Variants in FOXP1 observed in about 807,000 individuals in gnomAD.
FOXP1 encodes forkhead box protein P1.
Under a neutral mutation model 98.2 loss-of-function variants are expected in FOXP1, and 15 were observed. That is an observed-to-expected ratio of 0.15 (90% confidence interval 0.10 to 0.24). FOXP1 has a LOEUF of 0.24. FOXP1 is among the 10% of genes least tolerant of loss of function. The pLI, the probability that FOXP1 is intolerant of heterozygous loss-of-function variation, is 1.00. For missense variants in FOXP1, 633 were observed against 848.5 expected (o/e 0.75, Z 3.15); for synonymous variants, 371 against 314.5 (o/e 1.18, Z -1.90).
intron 7 of FOXP1, among the ~76,000 whole-genome samples, chr3:71,104,179 AG>A (rs2057233419): frequency 6.6e-6 from 1 of 152,186 alleles, no homozygotes; most frequent in African/African-American, 2.4e-5. Context: ...TGACTCGCCC[AG>A]GCCTGAAAGT....
At chr3:71,281,525 T>C (rs2071566169) in intron 5 of FOXP1, among the ~76,000 whole-genome samples, 1 of 152,238 alleles carries the variant, frequency 6.6e-6, no homozygotes, top group African/African-American at 2.4e-5. Context: ...GCCTAGGACA[T>C]GGTGAATACC....
At chr3:71,236,124 C>A (rs2066752282) in intron 5 of FOXP1, among the ~76,000 whole-genome samples, 1 of 152,180 alleles carries the variant, frequency 6.6e-6, no homozygotes, top group East Asian at 1.9e-4. Flanking sequence ...CTCATGGAAT[C>A]ATCATAGCAG....
At chr3:71,050,209 A>C (rs1297779649) in intron 9 of FOXP1, among the ~76,000 whole-genome samples, 3 of 152,168 alleles carry the variant, frequency 2.0e-5, no homozygotes, top group Non-Finnish European at 4.4e-5. Context: ...GACAACAGCA[A>C]TTTGGGAGAG....
chr3:70,960,293 C>G (rs2033039373), intron 20 of FOXP1, among the ~76,000 whole-genome samples: 1 of 152,276 alleles, frequency 6.6e-6, no homozygotes, highest in East Asian at 1.9e-4. Flanking sequence ...GAGCCCCAAT[C>G]AGAATAATAA....
intron 2 of FOXP1, chr3:71,572,871 C>T (rs984009050): frequency 2.0e-4 from 30 of 152,142 alleles, no homozygotes; most frequent in Non-Finnish European, 1.9e-4. Context: ...TATAAGCATA[C>T]AGTTTTAAAA....
intron 3 of FOXP1, among the ~76,000 whole-genome samples, chr3:71,461,754 C>T (rs1432982466): frequency 2.6e-5 from 4 of 151,528 alleles, no homozygotes; most frequent in Non-Finnish European, 1.5e-5. Flanking sequence ...GAGCCAAGAT[C>T]GCGCCACTGC....
intron 2 of FOXP1, 28 bp from the exon 3 acceptor site, chr3:71,493,583 T>A (rs2091210873): frequency 6.6e-6 from 1 of 152,170 alleles, no homozygotes; most frequent in African/African-American, 2.4e-5. Context: ...TTTTTACACA[T>A]AACTAAGATG....
At chr3:71,582,105 G>T (rs1226231434) in intron 1 of FOXP1, 14 of 931,122 alleles carry the variant, frequency 1.5e-5, no homozygotes, top group Non-Finnish European at 1.8e-5. Flanking sequence ...CGATTTCGAA[G>T]CAAACACATG....
At chr3:71,118,853 T>C (rs929198436) in intron 6 of FOXP1, among the ~76,000 whole-genome samples, 2 of 152,340 alleles carry the variant, frequency 1.3e-5, no homozygotes, top group African/African-American at 4.8e-5. Flanking sequence ...CTCATTCCCT[T>C]ATATATAATC....
chr3:71,508,540 T>C (rs1196639952), intron 2 of FOXP1, among the ~76,000 whole-genome samples: 1 of 152,152 alleles, frequency 6.6e-6, no homozygotes, highest in African/African-American at 2.4e-5. Flanking sequence ...TAGGCAGGTA[T>C]GTACAGGGCT....
At chr3:71,324,308 C>G (rs142977426) in intron 4 of FOXP1, among the ~76,000 whole-genome samples, 1 of 152,112 alleles carries the variant, frequency 6.6e-6, no homozygotes, top group Non-Finnish European at 1.5e-5. Flanking sequence ...TATAAAGACA[C>G]ATGCACACGT....
At chr3:71,533,986 C>G (rs1039476492) in intron 2 of FOXP1, among the ~76,000 whole-genome samples, 4 of 152,230 alleles carry the variant, frequency 2.6e-5, no homozygotes, top group Non-Finnish European at 5.9e-5. Context: ...CACAGTTGTC[C>G]GTCTGTATAT....
At chr3:71,150,356 G>A (rs899106099) in intron 6 of FOXP1, among the ~76,000 whole-genome samples, 4 of 152,086 alleles carry the variant, frequency 2.6e-5, no homozygotes, top group Admixed American at 2.6e-4. Flanking sequence ...TTCTCCTTCT[G>A]ATATGCATTT....
chr3:71,214,617 T>C, intron 5 of FOXP1, among the ~76,000 whole-genome samples: 1 of 152,104 alleles, frequency 6.6e-6, no homozygotes, highest in East Asian at 1.9e-4. Context: ...AAATAGGGAA[T>C]TAAAATTACT....
At chr3:71,415,809 A>C (rs2083170055) in intron 3 of FOXP1, among the ~76,000 whole-genome samples, 1 of 151,484 alleles carries the variant, frequency 6.6e-6, no homozygotes, top group Admixed American at 6.6e-5. Context: ...ACACATCATC[A>C]CTCCTCAAAA....
chr3:71,250,649 G>A (rs574743030), intron 5 of FOXP1, among the ~76,000 whole-genome samples: 77 of 152,188 alleles, frequency 5.1e-4, no homozygotes, highest in African/African-American at 1.6e-3. Context: ...TGTTTTTTGC[G>A]TTGGGCGCAG....
At chr3:71,581,941 A>G (rs2048205978) in intron 1 of FOXP1, 2 of 975,828 alleles carry the variant, frequency 2.0e-6, no homozygotes, top group Non-Finnish European at 2.4e-6. Context: ...GGATCTCACA[A>G]AGTTGCAACA....
At chr3:71,335,764 G>A (rs902251679) in intron 4 of FOXP1, among the ~76,000 whole-genome samples, 3 of 152,060 alleles carry the variant, frequency 2.0e-5, no homozygotes, top group Non-Finnish European at 4.4e-5. Context: ...TAGCACTTTG[G>A]GAGGCCGAGG....
intron 5 of FOXP1, among the ~76,000 whole-genome samples, chr3:71,241,414 A>G (rs2106911297): frequency 6.6e-6 from 1 of 152,226 alleles, no homozygotes; most frequent in Non-Finnish European, 1.5e-5. Flanking sequence ...GGCGTCTCAA[A>G]TTACTTTAAC....
Sources: allele counts gnomAD v4.1 joint callset (sites outside exome capture counted in the v4.1 genomes callset), GRCh38; gene constraint gnomAD v4.1.1; transcripts MANE v1.5; gene names NCBI Gene and HGNC (gene_info 2026-07-23, HGNC 2026-07-21).